ANOS1: variants seen among roughly 807,000 people sequenced by gnomAD.
ANOS1 encodes the protein anosmin-1.
A neutral mutation model predicts 59.0 loss-of-function variants in ANOS1; 6 were observed. That is an observed-to-expected ratio of 0.10 (90% CI 0.06 to 0.20). The LOEUF is 0.20. ANOS1 is among the 10% of genes least tolerant of loss of function. ANOS1 has a pLI of 1.00. For missense variants in ANOS1, 433 were observed against 542.3 expected (o/e 0.80, Z 2.00); for synonymous variants, 217 against 223.4 (o/e 0.97, Z 0.25).
intron 1 of ANOS1, among the ~76,000 whole-genome samples, chrX:8,723,957 C>T (rs1470204574): frequency 2.7e-5 from 3 of 112,328 alleles, no homozygotes; most frequent in African/African-American, 9.7e-5. Flanking sequence ...GAATTCTCAA[C>T]AATGAGGGAG....
rs776867068 is a variant in ANOS1 at position 8,534,348 on chromosome X, G to A, written c.1955C>T (p.Thr652Met). 26 of 1,209,409 alleles carry A rather than the reference G, an allele frequency of 2.1e-5. No individual in the cohort carries two copies. In the South Asian group the frequency reaches 3.2e-4, roughly 15 times the overall value. ...EGPATIKTFR[T>M]PELPPSSAHR... ...TGCTGAAGAGGGTGGGAGCTCCGGCGTCCGGAACGTCTTGATGGTGGCCGG... is the reference window on the plus strand; with the variant it reads ...TGCTGAAGAGGGTGGGAGCTCCGGCATCCGGAACGTCTTGATGGTGGCCGG... The change falls in exon 13 of 14, where the codon ACG becomes ATG. Residue 652 changes from threonine to methionine, a missense_variant. Thr to Met is a moderately conservative substitution (Grantham distance 81). Transcript: ENST00000262648.
chrX:8,550,193 A>C (rs1156787060), intron 9 of ANOS1, among the ~76,000 whole-genome samples: 1 of 112,049 alleles, frequency 8.9e-6, no homozygotes, highest in African/African-American at 3.2e-5. Context: ...TATATTTATA[A>C]TATACCAACA....
At chrX:8,705,659 A>G (rs769220191) in intron 1 of ANOS1, among the ~76,000 whole-genome samples, 1 of 112,201 alleles carries the variant, frequency 8.9e-6, no homozygotes, top group Admixed American at 9.5e-5. Flanking sequence ...AGCAATAAAA[A>G]AATACAAGAA....
chrX:8,668,732 G>A (rs760218062), intron 2 of ANOS1, among the ~76,000 whole-genome samples: 4 of 109,415 alleles, frequency 3.7e-5, no homozygotes, highest in Non-Finnish European at 7.6e-5. Context: ...CACGTCTATA[G>A]TACCAGAATT....
At chrX:8,660,063 G>A (rs1204672699) in intron 2 of ANOS1, among the ~76,000 whole-genome samples, 1 of 112,016 alleles carries the variant, frequency 8.9e-6, no homozygotes, top group East Asian at 2.8e-4. Context: ...TGGAAAACAT[G>A]AACAAGAGCA....
chrX:8,640,314 G>C (rs2146856902), intron 2 of ANOS1, among the ~76,000 whole-genome samples: 1 of 111,037 alleles, frequency 9.0e-6, no homozygotes, highest in South Asian at 3.8e-4. Flanking sequence ...CCTAACAAGG[G>C]GGAGGGAGAG....
At chrX:8,534,101 A>G (rs1312450062) in intron 13 of ANOS1, among the ~76,000 whole-genome samples, 3 of 109,962 alleles carry the variant, frequency 2.7e-5, no homozygotes, top group African/African-American at 1.0e-4. Flanking sequence ...GGAGAAAAAG[A>G]ACAATTAAGC....
intron 3 of ANOS1, among the ~76,000 whole-genome samples, chrX:8,619,777 CA>C (rs1304524504): frequency 9.0e-6 from 1 of 111,705 alleles, no homozygotes; most frequent in Admixed American, 9.5e-5. Context: ...AACATGCCTC[CA>C]AAAGTCTCCT....
intron 1 of ANOS1, among the ~76,000 whole-genome samples, chrX:8,722,678 G>A (rs779963153): frequency 2.7e-5 from 3 of 111,852 alleles, no homozygotes; most frequent in East Asian, 2.8e-4. Context: ...TTGCAATTGC[G>A]TGTGCAAGTA....
intron 8 of ANOS1, among the ~76,000 whole-genome samples, chrX:8,564,148 T>C (rs1930074332): frequency 9.0e-6 from 1 of 111,423 alleles, no homozygotes; most frequent in Admixed American, 9.6e-5. Flanking sequence ...AACTGAGGTA[T>C]GAGAAAAATT....
intron 3 of ANOS1, among the ~76,000 whole-genome samples, chrX:8,619,464 C>T (rs372622768): frequency 1.2e-4 from 13 of 109,499 alleles, no homozygotes; most frequent in Non-Finnish European, 2.1e-4. Flanking sequence ...ATTAGCCGGG[C>T]GTGGTGATGC....
intron 3 of ANOS1, among the ~76,000 whole-genome samples, chrX:8,606,205 G>A (rs1179804385): frequency 8.9e-6 from 1 of 112,144 alleles, no homozygotes; most frequent in African/African-American, 3.2e-5. Context: ...ACCATCCATA[G>A]ACCCCTGTTT....
intron 4 of ANOS1, among the ~76,000 whole-genome samples, chrX:8,593,171 C>T (rs1216354747): frequency 9.0e-6 from 1 of 111,592 alleles, no homozygotes; most frequent in African/African-American, 3.3e-5. Context: ...GTTAGAAAAA[C>T]AATTTGCCCA....
At chrX:8,705,874 G>A (rs1932776890) in intron 1 of ANOS1, among the ~76,000 whole-genome samples, 1 of 112,308 alleles carries the variant, frequency 8.9e-6, no homozygotes, top group African/African-American at 3.2e-5. Context: ...GTAACCTCCA[G>A]GTAGGATTAG....
intron 2 of ANOS1, among the ~76,000 whole-genome samples, chrX:8,661,905 C>T (rs924589771): frequency 2.7e-5 from 3 of 111,450 alleles, no homozygotes; most frequent in African/African-American, 9.8e-5. Context: ...CACATCCTCT[C>T]GGGGAAACTG....
chrX:8,686,340 A>G (rs964766128), intron 2 of ANOS1, among the ~76,000 whole-genome samples: 1 of 112,015 alleles, frequency 8.9e-6, no homozygotes, highest in Non-Finnish European at 1.9e-5. Flanking sequence ...CACTCTTAAA[A>G]TAATTCAAGA....
intron 2 of ANOS1, among the ~76,000 whole-genome samples, chrX:8,693,120 G>C (rs1432672416): frequency 8.9e-6 from 1 of 112,529 alleles, no homozygotes; most frequent in East Asian, 2.8e-4. Flanking sequence ...TCATTCCTAA[G>C]TGGGCTTTTA....
In ANOS1 at chrX:8,699,583, G is replaced by A. The variant is rs1316947756; in HGVS notation, c.255+115C>T. On this transcript the variant is annotated intron_variant, in intron 2 of 13. Transcript: ENST00000262648. ...ACAATTACTTAAAGTGTAACCATTG[G>A]TGGAAACTGGGCATATATGATTTCT... 3 of 487,816 alleles carry A rather than the reference G, an allele frequency of 6.1e-6. No homozygotes were observed. The African/African-American group carries it at 7.3e-5, about 12-fold the overall frequency. 40.2% of individuals were successfully genotyped at this position (487,816 alleles called of 1,213,427 possible).
intron 2 of ANOS1, among the ~76,000 whole-genome samples, chrX:8,694,800 T>G (rs963427460): frequency 8.9e-6 from 1 of 112,400 alleles, no homozygotes; most frequent in African/African-American, 3.2e-5. Flanking sequence ...CCAAAAAGTA[T>G]TTAGTGTGGC....
Sources: gnomAD v4.1 joint callset for allele counts (sites outside exome capture counted in the v4.1 genomes callset) on GRCh38, gnomAD v4.1.1 for gene constraint, MANE v1.5 for transcripts, NCBI Gene and HGNC (gene_info 2026-07-23, HGNC 2026-07-21) for gene names.